The following CHN2 variants were observed in gnomAD, a reference collection of about 807,000 sequenced individuals.
CHN2 encodes the protein chimerin 2.
Under a neutral mutation model 56.3 loss-of-function variants are expected in CHN2, and 35 were observed. The ratio of observed to expected loss-of-function variants is 0.62; its 90% CI spans 0.47 to 0.82. The LOEUF is 0.82. Among genes scored for constraint, CHN2 ranks in the 40% least tolerant of loss-of-function variants. CHN2 has a pLI of 0.00. For missense variants in CHN2, 491 were observed against 580.5 expected (o/e 0.85, Z 1.58); for synonymous variants, 210 against 212.8 (o/e 0.99, Z 0.12).
chr7:29,382,930 A>T (rs1437523930), intron 3 of CHN2, among the ~76,000 whole-genome samples: 1 of 152,184 alleles, frequency 6.6e-6, no homozygotes, highest in African/African-American at 2.4e-5. Context: ...TGTATGAGGA[A>T]CATGAAGAAC....
rs886193238 is a variant in CHN2 at position 29,242,194 on chromosome 7, G to A, written c.49+47204G>A. 2.6e-5 allele frequency among the ~76,000 whole-genome samples: 4 copies of A among 152,132 alleles called. 1 individual carries two copies. The highest frequency in any genetic ancestry group is 9.7e-5 in the African/African-American group (4 of 41,420). ...TGACAGAAACAGGCATGGAACCTAG[G>A]CAGGCTGCCTCTAAAGGACATATAT... On this transcript the variant is annotated intron_variant, in intron 1 of 12. Transcript: ENST00000222792.
At chr7:29,388,156 A>T (rs984411917) in intron 3 of CHN2, among the ~76,000 whole-genome samples, 22 of 152,184 alleles carry the variant, frequency 1.4e-4, no homozygotes, top group African/African-American at 5.1e-4. Context: ...TGCGCTATAC[A>T]TTTTTTAGGA....
At position 29,464,232 on chromosome 7, in the gene CHN2, G is replaced by A. The variant is rs570642249; in HGVS notation, c.577-16047G>A. Among the ~76,000 whole-genome samples the A allele has an allele frequency of 3.9e-5, 6 of 152,286 alleles. No homozygotes were observed. The South Asian group carries it at 1.0e-3, about 26-fold the overall frequency. On this transcript the variant is annotated intron_variant, in intron 6 of 12. Transcript: ENST00000222792. The stretch of plus-strand genomic sequence containing the variant: ...CTGTTTCAATCAACACAACAATCCT[G>A]AGGTATCAAGTATTAGTTTCCCGGA...
intron 6 of CHN2, among the ~76,000 whole-genome samples, chr7:29,435,768 T>C (rs1224782907): frequency 6.6e-6 from 1 of 152,058 alleles, no homozygotes; most frequent in Non-Finnish European, 1.5e-5. Flanking sequence ...ACCACCAGTC[T>C]AGGAATTCAG....
chr7:29,358,732 G>A (rs896531830), intron 2 of CHN2, among the ~76,000 whole-genome samples: 5 of 152,108 alleles, frequency 3.3e-5, no homozygotes, highest in Non-Finnish European at 7.3e-5. Context: ...CCAAAGTGCT[G>A]GGATTACAGG....
At chr7:29,292,323 C>T (rs1018451511) in intron 1 of CHN2, among the ~76,000 whole-genome samples, 3 of 152,158 alleles carry the variant, frequency 2.0e-5, no homozygotes, top group Non-Finnish European at 4.4e-5. Context: ...CCTTTCAATC[C>T]ATTTACCAAA....
At chr7:29,495,885 T>C in intron 7 of CHN2, 67 bp from the exon 8 acceptor site, 1 of 1,338,480 alleles carries the variant, frequency 7.5e-7, no homozygotes, top group Non-Finnish European at 1.1e-6. Flanking sequence ...TTCATTGACA[T>C]GTCTGAGGCT....
intron 1 of CHN2, among the ~76,000 whole-genome samples, chr7:29,267,115 G>T (rs1488252759): frequency 2.0e-5 from 3 of 151,812 alleles, no homozygotes; most frequent in African/African-American, 7.3e-5. Flanking sequence ...GTGGGCATTT[G>T]CCTGGAGTGC....
chr7:29,358,453 A>G (rs1010487986), intron 2 of CHN2, among the ~76,000 whole-genome samples: 3 of 151,830 alleles, frequency 2.0e-5, no homozygotes, highest in Non-Finnish European at 2.9e-5. Flanking sequence ...ATGATGATTT[A>G]TTTATTTATT....
intron 1 of CHN2, among the ~76,000 whole-genome samples, chr7:29,260,924 A>C (rs916694578): frequency 4.6e-5 from 7 of 152,194 alleles, no homozygotes; most frequent in Admixed American, 4.6e-4. Context: ...TCCCCAATTC[A>C]TAAGCCACTT....
intron 1 of CHN2, among the ~76,000 whole-genome samples, chr7:29,280,475 G>A (rs1471957167): frequency 6.6e-6 from 1 of 152,120 alleles, no homozygotes; most frequent in East Asian, 1.9e-4. Context: ...TGAGTTTGGG[G>A]GCTTGTTGGT....
intron 1 of CHN2, among the ~76,000 whole-genome samples, chr7:29,348,272 G>A (rs1255421751): frequency 6.6e-6 from 1 of 152,154 alleles, no homozygotes; most frequent in Admixed American, 6.5e-5. Flanking sequence ...CAGAACAGCA[G>A]CATCATCTTT....
chr7:29,398,469 C>A lies in CHN2; in HGVS notation c.273C>A (p.Cys91Ter). 1.2e-6 allele frequency: 2 copies of A among 1,611,348 alleles called. No homozygotes were observed. The highest frequency in any genetic ancestry group is 1.7e-6 in the Non-Finnish European group (2 of 1,178,096). Residue 91 changes from cysteine to a stop codon, truncating the protein, a stop_gained, in exon 5 of 13, where the codon TGC becomes TGA. Transcript: ENST00000222792. LOFTEE classifies it high-confidence loss of function. ...ILRESQRQPG[C>*]YTLALRFGNQ... ...GAGAAAGCCAGCGGCAACCAGGATG[C>A]TACACGCTGGCTCTCAGGTGAGGCG...
intron 6 of CHN2, among the ~76,000 whole-genome samples, chr7:29,442,934 C>CTT (rs541792526): frequency 0.062 from 6,355 of 103,024 alleles, 1,371 homozygotes; most frequent in African/African-American, 0.18. Context: ...CATTGAATTT[C>CTT]TTTTTTTTTT....
At chr7:29,194,616 C>G, upstream of CHN2, 1 of 270,808 alleles carries the variant, frequency 3.7e-6, no homozygotes, top group Non-Finnish European at 6.8e-6. Flanking sequence ...GGAGCGTGGA[C>G]GGCAGAGGGG....
chr7:29,509,456 A>C, intron 12 of CHN2, 50 bp downstream of exon 12: 3 of 1,425,358 alleles, frequency 2.1e-6, no homozygotes, highest in Non-Finnish European at 2.0e-6. Flanking sequence ...AGAGCGGTTA[A>C]TGCATGAGGA....
At chr7:29,151,578 A>C (rs1028870512) in intron 2 of CHN2, among the ~76,000 whole-genome samples, 1 of 152,172 alleles carries the variant, frequency 6.6e-6, no homozygotes, top group South Asian at 2.1e-4. Flanking sequence ...TTTGCCCAAC[A>C]CTTTTTATAT....
At chr7:29,373,852 A>G (rs1413056931) in intron 3 of CHN2, among the ~76,000 whole-genome samples, 1 of 152,168 alleles carries the variant, frequency 6.6e-6, no homozygotes, top group Non-Finnish European at 1.5e-5. Context: ...ACAGATTTTA[A>G]ATGAACTCTA....
rs897674683 is a variant in CHN2, at chr7:29,507,704, T to C, written c.1129+339T>C. Among the ~76,000 whole-genome samples, 4 of 152,174 alleles carry C rather than the reference T, an allele frequency of 2.6e-5. No individual in the cohort carries two copies. In the East Asian group the frequency reaches 7.7e-4, roughly 29 times the overall value. ...ATGAGGACTGACTAGATCATGGGTA[T>C]CCAATCTTTTGTCTTCCCTGGACCA... On this transcript the variant is annotated intron_variant, in intron 11 of 12. Coordinates refer to ENST00000222792, the MANE Select transcript of CHN2 (RefSeq NM_004067.4).
Sources: gnomAD v4.1 joint callset for allele counts (sites outside exome capture counted in the v4.1 genomes callset) on GRCh38, gnomAD v4.1.1 for gene constraint, MANE v1.5 for transcripts, NCBI Gene and HGNC (gene_info 2026-07-23, HGNC 2026-07-21) for gene names.